HLA-DQA1: variants seen among roughly 807,000 people sequenced by gnomAD.
HLA-DQA1 encodes major histocompatibility complex, class II, DQ alpha 1.
A neutral mutation model predicts 20.7 loss-of-function variants in HLA-DQA1; 10 were observed. That is an observed-to-expected ratio of 0.48 (90% CI 0.30 to 0.82). HLA-DQA1 has a LOEUF of 0.82. HLA-DQA1 is among the 40% of genes least tolerant of loss of function. The pLI is 0.07. For synonymous variants in HLA-DQA1, 39 were observed against 109.2 expected (o/e 0.36, Z 4.01); for missense variants, 127 against 293.0 (o/e 0.43, Z 4.14).
intron 1 of HLA-DQA1, 66 bp from the exon 2 acceptor site, chr6:32,641,244 T>G: frequency 9.8e-7 from 1 of 1,021,092 alleles, no homozygotes; most frequent in Non-Finnish European, 1.4e-6. Context: ...TCTTCCATCA[T>G]TTTGTGTATT....
the HLA-DQA1 span, among the ~76,000 whole-genome samples, chr6:32,652,157 C>G: frequency 1.1e-5 from 1 of 91,622 alleles, no homozygotes; most frequent in African/African-American, 3.8e-5. Flanking sequence ...TGGCGGGTGC[C>G]TGTAGTCCCA....
chr6:32,648,521 T>C, downstream of HLA-DQA1, among the ~76,000 whole-genome samples: 1 of 96,828 alleles, frequency 1.0e-5, no homozygotes, highest in Non-Finnish European at 2.3e-5. Flanking sequence ...ACAGAACCAA[T>C]GACAAAAACC....
downstream of HLA-DQA1, chr6:32,645,554 A>G (rs956116755): frequency 1.6e-5 from 2 of 125,762 alleles, no homozygotes; most frequent in Non-Finnish European, 1.7e-5. Context: ...AGTTTCTAAC[A>G]GGCCACCAAC....
Position 32,638,351 on chromosome 6 carries a change from C to G in HLA-DQA1, c.82+811C>G, listed in dbSNP as rs115978969. ...AAATTATCAACCCAAATTACCTGTT[C>G]TTCACCTCATCTAATAAAGTCCTAT... On this transcript the variant is annotated intron_variant, in intron 1 of 4. Coordinates refer to ENST00000343139, the MANE Select transcript of HLA-DQA1 (RefSeq NM_002122.5). Among the ~76,000 whole-genome samples the G allele has an allele frequency of 5.8e-3, 690 of 119,952 alleles. 4 individuals are homozygous for G. The highest frequency in any genetic ancestry group is 9.8e-3 in the Admixed American group (106 of 10,824). The allele number at this position is 119,952 out of a possible 152,430, so 78.7% of individuals were successfully genotyped here.
At chr6:32,654,295 CA>C in the HLA-DQA1 span, among the ~76,000 whole-genome samples, 39 of 75,594 alleles carry the variant, frequency 5.2e-4, no homozygotes, top group Admixed American at 8.4e-4. Flanking sequence ...GGCCCTGTCT[CA>C]AAAAAAAAAA....
At chr6:32,640,812 TAA>T (rs34713112) in intron 1 of HLA-DQA1, among the ~76,000 whole-genome samples, 2 of 93,502 alleles carry the variant, frequency 2.1e-5, no homozygotes, top group Non-Finnish European at 4.5e-5. Context: ...GCTTTTCCTT[TAA>T]AAAAAAAAAA....
At chr6:32,650,699 G>A (rs28754928), downstream of HLA-DQA1, among the ~76,000 whole-genome samples, 41,628 of 86,222 alleles carry the variant, frequency 0.48, 17,350 homozygotes, top group Admixed American at 0.5. Context: ...GGGGCCTGTC[G>A]GGGAGTCGGG....
intron 1 of HLA-DQA1, chr6:32,638,844 C>T (rs9272529): frequency 6.4e-5 from 14 of 220,328 alleles, no homozygotes; most frequent in Admixed American, 1.8e-4. Flanking sequence ...CTCTTACTCT[C>T]CTCTGCCTTT....
Position 32,643,297 on chromosome 6 carries a change from G to T in HLA-DQA1, c.*366G>T, listed in dbSNP as rs192684527. 269 of 300,690 alleles carry T rather than the reference G, an allele frequency of 8.9e-4. 33 individuals are homozygous for T. The highest frequency in any genetic ancestry group is 5.6e-3 in the African/African-American group (242 of 43,482). 18.6% of individuals were successfully genotyped at this position (300,690 alleles called of 1,614,324 possible). A position where few individuals can be genotyped will look rare whatever the true frequency, so the allele number is the denominator to read the frequency against. On this transcript the variant is annotated 3_prime_UTR_variant, in exon 5 of 5. Transcript: ENST00000343139. ...ATTTTTCCATCTTTCATCCAGGGCT[G>T]ACTGAAACTATGGCTAATAATTGGG...
the HLA-DQA1 span, among the ~76,000 whole-genome samples, chr6:32,652,213 G>T: frequency 1.1e-5 from 1 of 88,114 alleles, no homozygotes; most frequent in Non-Finnish European, 2.5e-5. Flanking sequence ...CCCGGGAGGC[G>T]GAGTTTGCAG....
At chr6:32,645,391 A>G (rs1781830173), downstream of HLA-DQA1, 1 of 144,014 alleles carries the variant, frequency 6.9e-6, no homozygotes, top group South Asian at 2.3e-4. Flanking sequence ...ATCAACAAGC[A>G]TTAGTTAGAT....
At position 32,641,617 on chromosome 6, in the gene HLA-DQA1, T is replaced by C; in HGVS notation, c.331+59T>C. ...AGTTATCCCTCCATACCAGGGTTCA[T>C]TATTTTCTTCCCAAGAGGTCCCCAG... On this transcript the variant is annotated intron_variant, in intron 2 of 4. Transcript: ENST00000343139. 2.3e-6 allele frequency: 2 copies of C among 857,088 alleles called. 1 individual carries two copies. Among genetic ancestry groups the C allele is most frequent in the Non-Finnish European group, 3.4e-6 (2 of 595,204 alleles). 53.1% of individuals were successfully genotyped at this position (857,088 alleles called of 1,614,324 possible). A position where few individuals can be genotyped will look rare whatever the true frequency, so the allele number is the denominator to read the frequency against.
chr6:32,640,499 A>AAG (rs1781295236), intron 1 of HLA-DQA1, among the ~76,000 whole-genome samples: 1 of 54,440 alleles, frequency 1.8e-5, no homozygotes, highest in Admixed American at 2.7e-4. Flanking sequence ...TTAGAGGAAA[A>AAG]AGTGTGATAT....
the HLA-DQA1 span, among the ~76,000 whole-genome samples, chr6:32,654,600 G>T: frequency 2.5e-4 from 23 of 92,362 alleles, no homozygotes; most frequent in African/African-American, 4.9e-4. Context: ...GTATTGTTTT[G>T]GAATTGGAAT....
intron 1 of HLA-DQA1, chr6:32,639,091 T>C (rs28383363): frequency 0.12 from 27,625 of 224,232 alleles, 5,140 homozygotes; most frequent in Admixed American, 0.23. Context: ...TTCACCTGCT[T>C]CTCCAGAGCG....
chr6:32,653,091 G>A, the HLA-DQA1 span, among the ~76,000 whole-genome samples: 1 of 149,014 alleles, frequency 6.7e-6, no homozygotes, highest in Non-Finnish European at 1.5e-5. Context: ...TCCAGGGGAT[G>A]GCTGACAGCT....
rs1048372 is a variant in HLA-DQA1, at chr6:32,642,659, T to C, written c.663T>C (p.Cys221=). ...CAGAGCTCACAGAGACTGTGGTCTG[T>C]GCCCTGGGGTTGTCTGTGGGCCTCA... The part of the protein sequence containing the change: ...PMSELTETVV[C]ALGLSVGLMG... The change falls in exon 4 of 5, where the codon TGT becomes TGC. Residue 221 remains cysteine (C), a synonymous_variant. Transcript: ENST00000343139. 448,376 of 1,118,938 alleles carry C rather than the reference T, an allele frequency of 0.4. 164,151 individuals carry two copies. The highest frequency in any genetic ancestry group is 0.64 in the Admixed American group (27,573 of 42,974). The allele number at this position is 1,118,938 out of a possible 1,614,324, so 69.3% of individuals were successfully genotyped here. A position where few individuals can be genotyped will look rare whatever the true frequency, so the allele number is the denominator to read the frequency against.
chr6:32,643,309 G>A lies in HLA-DQA1; in HGVS notation c.*378G>A, dbSNP rs1781628188. On this transcript the variant is annotated 3_prime_UTR_variant, in exon 5 of 5. Transcript: ENST00000343139. ...TTCATCCAGGGCTGACTGAAACTAT[G>A]GCTAATAATTGGGGTACTCTTATGT... The A allele has an allele frequency of 3.4e-6, 1 of 296,216 alleles. No homozygotes were observed. Among genetic ancestry groups the A allele is most frequent in the Admixed American group, 5.0e-5 (1 of 20,056 alleles). 18.3% of individuals were successfully genotyped at this position (296,216 alleles called of 1,614,324 possible).
chr6:32,640,979 A>G (rs28383424), intron 1 of HLA-DQA1, among the ~76,000 whole-genome samples: 8,724 of 91,968 alleles, frequency 0.095, 1,011 homozygotes, highest in East Asian at 0.19. Flanking sequence ...AGAAAGCTAA[A>G]TACTATGATA....
Sources: gnomAD v4.1 joint callset for allele counts (sites outside exome capture counted in the v4.1 genomes callset) on GRCh38, gnomAD v4.1.1 for gene constraint, MANE v1.5 for transcripts, NCBI Gene and HGNC (gene_info 2026-07-23, HGNC 2026-07-21) for gene names.